NSD3: variants seen among roughly 807,000 people sequenced by gnomAD.
NSD3 encodes the protein nuclear receptor binding SET domain protein 3, also known as histone-lysine N-methyltransferase NSD3.
In NSD3, 24 loss-of-function variants were observed where a neutral mutation model predicts 160.8. That is an observed-to-expected ratio of 0.15 (90% confidence interval 0.11 to 0.21). The LOEUF is 0.21. Ranked by LOEUF, NSD3 falls within the 10% of genes least tolerant of loss-of-function variation. NSD3 has a pLI of 1.00. For synonymous variants in NSD3, 520 were observed against 600.0 expected (o/e 0.87, Z 1.95); for missense variants, 1,157 against 1,735.9 (o/e 0.67, Z 5.93).
intron 1 of NSD3, among the ~76,000 whole-genome samples, chr8:38,359,350 G>A (rs1810903440): frequency 6.6e-6 from 1 of 152,100 alleles, no homozygotes; most frequent in Admixed American, 6.6e-5. Context: ...TATGAAGTAT[G>A]AACAGAAGCA....
At chr8:38,315,291 C>T (rs528822489) in intron 11 of NSD3, 125 bp downstream of exon 11, 3 of 1,194,156 alleles carry the variant, frequency 2.5e-6, no homozygotes, top group South Asian at 4.3e-5. Context: ...GGTTTTATAT[C>T]TGTAGCTTTA....
At chr8:38,339,943 A>T (rs774451944) in intron 2 of NSD3, among the ~76,000 whole-genome samples, 2 of 152,182 alleles carry the variant, frequency 1.3e-5, no homozygotes, top group Non-Finnish European at 2.9e-5. Flanking sequence ...AATATCTTCC[A>T]ATTTTTTATT....
chr8:38,317,501 GA>G lies in NSD3; in HGVS notation c.1855+1393del. 1 of 1,057,182 alleles carries G rather than the reference GA, an allele frequency of 9.5e-7. No homozygotes were observed. Among genetic ancestry groups the G allele is most frequent in the East Asian group, 5.4e-5 (1 of 18,498 alleles). 65.5% of individuals were successfully genotyped at this position (1,057,182 alleles called of 1,614,324 possible). On this transcript the variant is annotated intron_variant, in intron 9 of 23. Transcript: ENST00000317025. This position sits in a 1 kb window ranked among gnomAD's most constrained non-coding sequence, Gnocchi z 5.3. ...TTCCGATGAGTTTCTGAAAATGCTA[GA>G]AAAATGACAGACTGCCAAAGACAGC...
chr8:38,338,377 C>T (rs1810276491), intron 3 of NSD3, among the ~76,000 whole-genome samples, 159 bp downstream of exon 3: 1 of 151,270 alleles, frequency 6.6e-6, no homozygotes, highest in Non-Finnish European at 1.5e-5. Context: ...AAATGATTCA[C>T]TGAAAATATC....
At chr8:38,314,148 C>T (rs1474012815) in intron 12 of NSD3, among the ~76,000 whole-genome samples, 1 of 152,134 alleles carries the variant, frequency 6.6e-6, no homozygotes, top group Non-Finnish European at 1.5e-5. Context: ...GAAATATAAA[C>T]TAGCATATTT....
At chr8:38,281,056 G>A (rs1329339819) in intron 20 of NSD3, among the ~76,000 whole-genome samples, 2 of 152,060 alleles carry the variant, frequency 1.3e-5, no homozygotes, top group African/African-American at 2.4e-5. Context: ...ATGCCCTGCC[G>A]AAAAGTTTTA....
chr8:38,373,495 T>G (rs1005465780), intron 1 of NSD3, among the ~76,000 whole-genome samples: 17 of 152,182 alleles, frequency 1.1e-4, no homozygotes, highest in African/African-American at 3.9e-4. Context: ...AATGCCTATT[T>G]CTTAAAGTTT....
At position 38,318,863 on chromosome 8, in the gene NSD3, A is replaced by T; in HGVS notation, c.1855+32T>A. 6.3e-7 allele frequency: 1 copy of T among 1,593,984 alleles called. No homozygotes were observed. Among genetic ancestry groups the T allele is most frequent in the Non-Finnish European group, 8.5e-7 (1 of 1,171,008 alleles). On this transcript the variant is annotated intron_variant, in intron 9 of 23. Transcript: ENST00000317025. This position sits in a 1 kb window ranked among gnomAD's most constrained non-coding sequence, Gnocchi z 5.3. ...TCTTAAAAATTGGTTTTAATCAAGG[A>T]AATGCAAAGCAACATTATAATATTA...
In NSD3 at chr8:38,275,857, C is replaced by G. The variant is rs1209414600; in HGVS notation, c.4098G>C (p.Gln1366His). The stretch of plus-strand genomic sequence containing the variant: ...CAGCTGCACTGCTGCACTCATCGCA[C>G]TGATGCCACGGACACTCCCACTTTC... Reference protein sequence around the residue: ...PYGKWECPWHQCDECSSAAVS... With the variant: ...PYGKWECPWHHCDECSSAAVS... Residue 1366 changes from glutamine (Q) to histidine (H), a missense_variant, in exon 24 of 24, where the codon CAG (glutamine) becomes CAC (histidine). This residue lies in a region of NSD3 where 222 missense variants were observed against 409.9 expected (regional missense o/e 0.54). Transcript: ENST00000317025. 8.7e-6 allele frequency: 14 copies of G among 1,613,990 alleles called. No individual in the cohort carries two copies. The highest frequency in any genetic ancestry group is 1.3e-5 in the African/African-American group (1 of 74,906).
At chr8:38,340,044 G>A (rs1810322102) in intron 2 of NSD3, among the ~76,000 whole-genome samples, 1 of 152,126 alleles carries the variant, frequency 6.6e-6, no homozygotes, top group South Asian at 2.1e-4. Flanking sequence ...AATGACATGA[G>A]GGAAATGGTG....
chr8:38,296,672 C>CTGTG (rs1491324812), intron 15 of NSD3, among the ~76,000 whole-genome samples: 1 of 115,814 alleles, frequency 8.6e-6, no homozygotes, highest in Non-Finnish European at 1.8e-5. Flanking sequence ...CTCTCTCTCC[C>CTGTG]TCTGTGTGTG....
chr8:38,352,927 G>A (rs893374907), intron 1 of NSD3, among the ~76,000 whole-genome samples: 1 of 152,022 alleles, frequency 6.6e-6, no homozygotes, highest in Non-Finnish European at 1.5e-5. Context: ...TTATTCCTTC[G>A]TCACTACCAA....
At chr8:38,279,336 G>C (rs1375342554) in intron 21 of NSD3, among the ~76,000 whole-genome samples, 2 of 152,176 alleles carry the variant, frequency 1.3e-5, no homozygotes, top group African/African-American at 4.8e-5. Context: ...TCCCTTTTGA[G>C]GTTATAGATT....
At chr8:38,309,789 T>C (rs978055300) in intron 12 of NSD3, among the ~76,000 whole-genome samples, 6 of 152,236 alleles carry the variant, frequency 3.9e-5, no homozygotes. Flanking sequence ...AAAGATGCTT[T>C]CTTTCCAGAA....
At chr8:38,282,860 T>A (rs1287042337) in intron 19 of NSD3, among the ~76,000 whole-genome samples, 5 of 152,204 alleles carry the variant, frequency 3.3e-5, no homozygotes, top group African/African-American at 1.2e-4. Context: ...TGTTTAGCCA[T>A]TCACCCATGG....
intron 1 of NSD3, among the ~76,000 whole-genome samples, chr8:38,375,645 TAAC>T (rs1811370628): frequency 6.6e-6 from 1 of 151,922 alleles, no homozygotes; most frequent in Admixed American, 6.5e-5. Flanking sequence ...CTTGTTAATA[TAAC>T]AATATAAGTA....
chr8:38,275,486 C>T lies in NSD3; in HGVS notation c.*155G>A. 1.5e-6 allele frequency: 1 copy of T among 675,190 alleles called. No individual in the cohort carries two copies. The allele number at this position is 675,190 out of a possible 1,614,324, so 41.8% of individuals were successfully genotyped here. A position where few individuals can be genotyped will look rare whatever the true frequency, so the allele number is the denominator to read the frequency against. ...AAATCAAACAAAAACCAGACACCAC[C>T]AACTGCTTCTGCCTGCATGAACTGG... On this transcript the variant is annotated 3_prime_UTR_variant, in exon 24 of 24. Coordinates refer to ENST00000317025, the MANE Select transcript of NSD3 (RefSeq NM_023034.2).
intron 15 of NSD3, 94 bp from the exon 16 acceptor site, chr8:38,296,046 G>A: frequency 7.7e-7 from 1 of 1,303,530 alleles, no homozygotes; most frequent in Non-Finnish European, 1.0e-6. Context: ...CATTAAATTT[G>A]TTTCAAATTG....
chr8:38,294,206 T>TA (rs1434719788), intron 16 of NSD3, among the ~76,000 whole-genome samples: 1 of 152,088 alleles, frequency 6.6e-6, no homozygotes, highest in Non-Finnish European at 1.5e-5. Flanking sequence ...CCTCCAGACT[T>TA]AGTTTCCCGA....
Sources: allele counts gnomAD v4.1 joint callset (sites outside exome capture counted in the v4.1 genomes callset), GRCh38; gene constraint gnomAD v4.1.1; regional missense constraint gnomAD v4.1.1; non-coding constraint Gnocchi (gnomAD v3.1); transcripts MANE v1.5; gene names NCBI Gene and HGNC (gene_info 2026-07-23, HGNC 2026-07-21).